Variants in POP4 observed in about 807,000 individuals in gnomAD.
POP4 encodes POP4 ribonuclease P/MRP subunit, also known as ribonuclease P protein subunit p29.
POP4 carries 31 observed loss-of-function variants against 29.9 expected under a neutral mutation model. That is an observed-to-expected ratio of 1.04 (90% CI 0.78 to 1.40). The LOEUF (loss-of-function observed/expected upper bound fraction) is 1.40, where lower values mean the gene tolerates loss of function less well. POP4 is among the 40% of genes most tolerant of loss of function. The pLI, the probability that POP4 is intolerant of heterozygous loss-of-function variation, is 0.00. For missense variants in POP4, 286 were observed against 282.7 expected, an observed-to-expected ratio of 1.01 and a Z score of -0.08; for synonymous variants, 110 against 108.2, an observed-to-expected ratio of 1.02 and a Z score of -0.10.
At chr19:29,612,670 G>A (rs766098462) in intron 5 of POP4, among the ~76,000 whole-genome samples, 26 of 152,214 alleles carry the variant, frequency 1.7e-4, no homozygotes, top group Middle Eastern at 6.8e-3. Flanking sequence ...AGCTGCCACC[G>A]ATTCTCCTCA....
chr19:29,610,790 C>A, intron 3 of POP4, 158 bp downstream of exon 3: 1 of 712,028 alleles, frequency 1.4e-6, no homozygotes, highest in Non-Finnish European at 2.3e-6. Context: ...CCAATCTGGG[C>A]TGTGTTCAGC....
At chr19:29,611,788 C>A in intron 3 of POP4, 74 bp from the exon 4 acceptor site, 2 of 1,271,822 alleles carry the variant, frequency 1.6e-6, no homozygotes, top group Non-Finnish European at 2.3e-6. Flanking sequence ...TCAAGTCAAG[C>A]TCTGTGCTAT....
In POP4 at chr19:29,608,722, C is replaced by T. The variant is rs1289996071; in HGVS notation, c.60+13C>T. The stretch of plus-strand genomic sequence containing the variant: ...CTCCGATGTCCAGGTCAGTTCTTGG[C>T]AGGGAGTCCAGGAGCAACAGAGGTG... On this transcript the variant is annotated intron_variant, in intron 2 of 6. Transcript: ENST00000585603. 1 of 1,612,588 alleles carries T rather than the reference C, an allele frequency of 6.2e-7. No homozygotes were observed. The highest frequency in any genetic ancestry group is 8.5e-7 in the Non-Finnish European group (1 of 1,178,662).
Position 29,606,314 on chromosome 19 carries a change from C to G in POP4, c.-5C>G, listed in dbSNP as rs549639927. On this transcript the variant is annotated 5_prime_UTR_variant, in exon 1 of 7. Coordinates refer to ENST00000585603, the MANE Select transcript of POP4 (RefSeq NM_006627.3). ...TCATCAGAGAGCGCCGGAAGCGGTC[C>G]GAGAATGAAGAGTAAGCGGGGCCGC... is the stretch of plus-strand genomic sequence containing the variant. 18 of 1,605,582 alleles carry G rather than the reference C, an allele frequency of 1.1e-5. No homozygotes were observed. The South Asian group carries it at 1.2e-4, about 11-fold the overall frequency.
chr19:29,612,147 A>G lies in POP4; in HGVS notation c.393A>G (p.Leu131=), dbSNP rs757522582. 26 of 1,611,278 alleles carry G rather than the reference A, an allele frequency of 1.6e-5. No homozygotes were observed. In the African/African-American group the frequency reaches 2.9e-4, roughly 18 times the overall value. The change falls in exon 5 of 7, where the codon TTA becomes TTG. Residue 131 remains leucine (L), a synonymous_variant. Coordinates refer to ENST00000585603, the MANE Select transcript of POP4 (RefSeq NM_006627.3). ...TQPQMIQAKL[L]KADLHGAIIS... is the part of the protein sequence containing the mutation. ...CACAGATGATTCAGGCCAAGCTCTT[A>G]AAGGCAGATCTTCACGGGGCTATTA... is the stretch of plus-strand genomic sequence containing the variant.
chr19:29,613,607 C>T (rs1398744629), intron 5 of POP4, among the ~76,000 whole-genome samples: 1 of 152,212 alleles, frequency 6.6e-6, no homozygotes, highest in African/African-American at 2.4e-5. Context: ...ATTCCAGAAT[C>T]CTGCCCAAGA....
intron 5 of POP4, among the ~76,000 whole-genome samples, chr19:29,612,874 G>A (rs1338325446): frequency 6.6e-6 from 1 of 152,190 alleles, no homozygotes; most frequent in Non-Finnish European, 1.5e-5. Flanking sequence ...CACCGCACCA[G>A]GCAGCCAGAG....
intron 1 of POP4, 36 bp from the exon 2 acceptor site, chr19:29,608,621 A>C: frequency 6.2e-7 from 1 of 1,602,220 alleles, no homozygotes; most frequent in Non-Finnish European, 8.6e-7. Flanking sequence ...GCCATACCCA[A>C]CAAGAATTGA....
intron 2 of POP4, among the ~76,000 whole-genome samples, chr19:29,609,539 G>C (rs1427754156): frequency 6.6e-6 from 1 of 152,244 alleles, no homozygotes; most frequent in Non-Finnish European, 1.5e-5. Flanking sequence ...CAGGTCTGTG[G>C]CAGGCATGAG....
At chr19:29,609,880 C>T (rs910405425) in intron 2 of POP4, among the ~76,000 whole-genome samples, 1 of 152,104 alleles carries the variant, frequency 6.6e-6, no homozygotes, top group Non-Finnish European at 1.5e-5. Flanking sequence ...GCTGGAAACC[C>T]GGTTAAGGAG....
chr19:29,609,676 G>A (rs933163719), intron 2 of POP4, among the ~76,000 whole-genome samples: 3 of 152,178 alleles, frequency 2.0e-5, no homozygotes, highest in Non-Finnish European at 2.9e-5. Flanking sequence ...ACACAATTAC[G>A]ACAGTCATTT....
At chr19:29,614,396 G>A (rs943538035) in intron 6 of POP4, among the ~76,000 whole-genome samples, 2 of 152,204 alleles carry the variant, frequency 1.3e-5, no homozygotes, top group African/African-American at 2.4e-5. Context: ...TCCATCCGTG[G>A]CCAGCATTGC....
rs199911160 is a variant in POP4, at chr19:29,606,307, A to G, written c.-12A>G. The G allele has an allele frequency of 6.9e-4, 1,111 of 1,605,126 alleles. 8 individuals carry two copies. In the African/African-American group the frequency reaches 0.013, roughly 19 times the overall value. ...CAGTGCGTCATCAGAGAGCGCCGGA[A>G]GCGGTCCGAGAATGAAGAGTAAGCG... On this transcript the variant is annotated 5_prime_UTR_variant, in exon 1 of 7. Transcript: ENST00000585603.
Position 29,611,304 on chromosome 19 carries a change from C to G in POP4, c.285-558C>G, listed in dbSNP as rs935231611. 3.3e-5 allele frequency among the ~76,000 whole-genome samples: 5 copies of G among 152,182 alleles called. 1 individual carries two copies. The South Asian group carries it at 6.2e-4, about 19-fold the overall frequency. On this transcript the variant is annotated intron_variant, in intron 3 of 6. Transcript: ENST00000585603. Reference sequence around the variant, plus strand: ...CCCAGGGTTTGCCTCCCGGGTGGAGCCCAGGTTGGGTTTGAGCTTAAGGTC... The same window carrying G: ...CCCAGGGTTTGCCTCCCGGGTGGAGGCCAGGTTGGGTTTGAGCTTAAGGTC...
intron 1 of POP4, among the ~76,000 whole-genome samples, chr19:29,606,688 G>A (rs1971002098): frequency 6.6e-6 from 1 of 152,146 alleles, no homozygotes; most frequent in South Asian, 2.1e-4. Context: ...CTGATGCAAA[G>A]CGCCGAGAGC....
chr19:29,609,524 C>G (rs1464670097), intron 2 of POP4, among the ~76,000 whole-genome samples: 6 of 152,238 alleles, frequency 3.9e-5, no homozygotes, highest in Non-Finnish European at 8.8e-5. Flanking sequence ...GGAGAGAGAA[C>G]TGCCCAGGTC....
rs572652476 is a variant in POP4 at position 29,608,638 on chromosome 19, CT to C, written c.8-11del. 986 of 1,608,780 alleles carry C rather than the reference CT, an allele frequency of 6.1e-4. 6 individuals carry two copies. In the African/African-American group the frequency reaches 0.011, roughly 19 times the overall value. On this transcript the variant is annotated intron_variant, in intron 1 of 6. Coordinates refer to ENST00000585603, the MANE Select transcript of POP4 (RefSeq NM_006627.3). ...CATACCCAACAAGAATTGATCATTTCTTTTTTTTAATCCCCCAGGTGTGATC... is the reference window on the plus strand; with the variant it reads ...CATACCCAACAAGAATTGATCATTTCTTTTTTTAATCCCCCAGGTGTGATC...
At chr19:29,608,747 G>A in intron 2 of POP4, 38 bp downstream of exon 2, 1 of 1,573,450 alleles carries the variant, frequency 6.4e-7, no homozygotes, top group Non-Finnish European at 8.7e-7. Context: ...CAACAGAGGT[G>A]ATGGCAAAGA....
At chr19:29,611,577 A>G (rs113443726) in intron 3 of POP4, 5 of 335,462 alleles carry the variant, frequency 1.5e-5, no homozygotes, top group African/African-American at 2.2e-5. Flanking sequence ...CCTCAAAATA[A>G]CAGTAGCTTC....
Sources: gnomAD v4.1 joint callset for allele counts (sites outside exome capture counted in the v4.1 genomes callset) on GRCh38, gnomAD v4.1.1 for gene constraint, MANE v1.5 for transcripts, NCBI Gene and HGNC (gene_info 2026-07-23, HGNC 2026-07-21) for gene names.